Variants in SLAMF6 observed in about 807,000 individuals in gnomAD.
SLAMF6 encodes SLAM family member 6.
SLAMF6 carries 21 observed loss-of-function variants against 38.3 expected under a neutral mutation model. The observed-to-expected ratio is 0.55, with a 90% CI of 0.39 to 0.79. The LOEUF (loss-of-function observed/expected upper bound fraction) is 0.79. Ranked by LOEUF, SLAMF6 falls within the 30% of genes least tolerant of loss-of-function variation. The pLI is 0.00. For synonymous variants in SLAMF6, 152 were observed against 146.3 expected, an observed-to-expected ratio of 1.04 and a Z score of -0.28; for missense variants, 341 against 385.3, an observed-to-expected ratio of 0.89 and a Z score of 0.96.
At position 160,490,199 on chromosome 1, in the gene SLAMF6, G is replaced by A. The variant is rs41266905; in HGVS notation, c.795C>T (p.Pro265=). 3.6e-3 allele frequency: 5,747 copies of A among 1,613,660 alleles called. 8 individuals carry two copies. Among genetic ancestry groups the A allele is most frequent in the Non-Finnish European group, 4.5e-3 (5,303 of 1,179,738 alleles). ...LSLSTQRTQG[P]AESARNLEYV... is the part of the protein sequence containing the mutation. ...AGAGTTAAGAGTCTGAATGCTCACCGGGGCCCTGTGTTCGCTGAGTAGACA... is the reference window on the plus strand; with the variant it reads ...AGAGTTAAGAGTCTGAATGCTCACCAGGGCCCTGTGTTCGCTGAGTAGACA... Residue 265 remains proline, a splice_region_variant and synonymous_variant, in exon 5 of 8, where the codon CCC becomes CCT. Transcript: ENST00000368057.
intron 1 of SLAMF6, among the ~76,000 whole-genome samples, chr1:160,500,127 C>A (rs781764744): frequency 6.6e-6 from 1 of 152,176 alleles, no homozygotes; most frequent in African/African-American, 2.4e-5. Flanking sequence ...TGATAATGTC[C>A]TATCTCTAGA....
At chr1:160,512,782 G>C (rs1044279985) in intron 1 of SLAMF6, among the ~76,000 whole-genome samples, 1 of 152,122 alleles carries the variant, frequency 6.6e-6, no homozygotes, top group Non-Finnish European at 1.5e-5. Flanking sequence ...AGAGGGTCCT[G>C]TCTGCTAAAA....
At chr1:160,504,017 CA>C (rs10648306) in intron 1 of SLAMF6, among the ~76,000 whole-genome samples, 19 of 86,692 alleles carry the variant, frequency 2.2e-4, no homozygotes, top group African/African-American at 3.1e-4. Flanking sequence ...GACTCTATCT[CA>C]AAAAAAAAAA....
chr1:160,494,558 A>G (rs1335318634), intron 2 of SLAMF6, among the ~76,000 whole-genome samples: 1 of 152,160 alleles, frequency 6.6e-6, no homozygotes, highest in Non-Finnish European at 1.5e-5. Context: ...GTCTTTGCAG[A>G]TGGAATTATG....
At chr1:160,508,352 C>A (rs1361754308) in intron 1 of SLAMF6, among the ~76,000 whole-genome samples, 1 of 152,112 alleles carries the variant, frequency 6.6e-6, no homozygotes. Context: ...AGAAATAGCA[C>A]CACACATCTA....
chr1:160,520,190 C>A (rs1034303813), intron 1 of SLAMF6, among the ~76,000 whole-genome samples: 1 of 152,178 alleles, frequency 6.6e-6, no homozygotes, highest in African/African-American at 2.4e-5. Flanking sequence ...CATCAGGTCA[C>A]AATCTCTTCA....
Position 160,496,054 on chromosome 1 carries a change from G to T in SLAMF6, c.382+7C>A. The T allele has an allele frequency of 1.2e-6, 2 of 1,603,780 alleles. No individual in the cohort carries two copies. Among genetic ancestry groups the T allele is most frequent in the South Asian group, 2.2e-5 (2 of 89,938 alleles). On this transcript the variant is annotated splice_region_variant and intron_variant, in intron 2 of 7. Transcript: ENST00000368057. ...CATATGGAATTAAACCCCATATTTTGACTTACTTAATATCCTCAGAGTGTA... is the reference window on the plus strand; with the variant it reads ...CATATGGAATTAAACCCCATATTTTTACTTACTTAATATCCTCAGAGTGTA...
intron 1 of SLAMF6, among the ~76,000 whole-genome samples, chr1:160,515,141 G>C (rs1446691303): frequency 6.6e-6 from 1 of 151,930 alleles, no homozygotes; most frequent in Non-Finnish European, 1.5e-5. Flanking sequence ...AAAGAGAGAA[G>C]AATCAAATGG....
intron 1 of SLAMF6, among the ~76,000 whole-genome samples, chr1:160,512,474 C>T (rs891746261): frequency 1.3e-5 from 2 of 152,156 alleles, no homozygotes; most frequent in Non-Finnish European, 2.9e-5. Flanking sequence ...TAGGATCCCC[C>T]CCACCACAGC....
At chr1:160,490,487 C>A (rs1019888830) in intron 4 of SLAMF6, 88 bp downstream of exon 4, 1 of 1,538,152 alleles carries the variant, frequency 6.5e-7, no homozygotes, top group Non-Finnish European at 8.8e-7. Flanking sequence ...CTCCTGTCTT[C>A]CACAAGAGAT....
chr1:160,503,126 A>G (rs372915377), intron 1 of SLAMF6, among the ~76,000 whole-genome samples: 2 of 152,188 alleles, frequency 1.3e-5, no homozygotes, highest in South Asian at 2.1e-4. Flanking sequence ...GAATAAGGTT[A>G]AAGATCTCAA....
intron 1 of SLAMF6, among the ~76,000 whole-genome samples, chr1:160,507,532 C>T (rs1654252584): frequency 6.6e-6 from 1 of 151,902 alleles, no homozygotes. Flanking sequence ...CATTATAAAC[C>T]AACAATACCT....
At chr1:160,510,864 G>A (rs982481358) in intron 1 of SLAMF6, among the ~76,000 whole-genome samples, 1 of 152,100 alleles carries the variant, frequency 6.6e-6, no homozygotes, top group African/African-American at 2.4e-5. Context: ...AATGATCAGA[G>A]CTAATAAATA....
Position 160,523,230 on chromosome 1 carries a change from GCAGT to G in SLAMF6, c.-42_-39del. 6.2e-7 allele frequency: 1 copy of G among 1,606,534 alleles called. No individual in the cohort carries two copies. The highest frequency in any genetic ancestry group is 8.5e-7 in the Non-Finnish European group (1 of 1,176,724). ...GAAGACTGGTGCTTGAGACCTTGAG[GCAGT>G]CAATGTTTTTGCCCTTCTGTCATAA... On this transcript the variant is annotated 5_prime_UTR_variant, in exon 1 of 8. Transcript: ENST00000368057.
In SLAMF6 at chr1:160,503,219, T is replaced by C. The variant is rs1364375525; in HGVS notation, c.50-6826A>G. ...GTTGTTCTAAGAGAAGTAGATCTCA[T>C]AGAATCTAGAGGAAGACGGATGAGA... On this transcript the variant is annotated intron_variant, in intron 1 of 7. Transcript: ENST00000368057. Among the ~76,000 whole-genome samples the C allele has an allele frequency of 2.0e-5, 3 of 152,224 alleles. No homozygotes were observed. The East Asian group carries it at 5.8e-4, about 29-fold the overall frequency.
intron 1 of SLAMF6, among the ~76,000 whole-genome samples, chr1:160,505,465 G>GA (rs1168979199): frequency 1.3e-5 from 2 of 152,156 alleles, no homozygotes; most frequent in Non-Finnish European, 2.9e-5. Context: ...GCAGTGGTGT[G>GA]ATCTCAGCTC....
At chr1:160,496,545 T>A in intron 1 of SLAMF6, 152 bp from the exon 2 acceptor site, 1 of 754,026 alleles carries the variant, frequency 1.3e-6, no homozygotes, top group Non-Finnish European at 2.1e-6. Flanking sequence ...GAGATGTTTC[T>A]AAATGAATAA....
chr1:160,511,981 C>A (rs959721573), intron 1 of SLAMF6, among the ~76,000 whole-genome samples: 1 of 152,188 alleles, frequency 6.6e-6, no homozygotes, highest in African/African-American at 2.4e-5. Flanking sequence ...CATGCTTTTT[C>A]CATGGATCTG....
chr1:160,521,536 G>A (rs772029604), intron 1 of SLAMF6, among the ~76,000 whole-genome samples: 1 of 152,092 alleles, frequency 6.6e-6, no homozygotes, highest in East Asian at 1.9e-4. Context: ...TCAGGAAGTG[G>A]CTCTTGAATG....
Sources: gnomAD v4.1 joint callset for allele counts (sites outside exome capture counted in the v4.1 genomes callset) on GRCh38, gnomAD v4.1.1 for gene constraint, MANE v1.5 for transcripts, NCBI Gene and HGNC (gene_info 2026-07-23, HGNC 2026-07-21) for gene names.